GRIK3: variants seen among roughly 807,000 people sequenced by gnomAD.
The protein encoded by GRIK3 is glutamate ionotropic receptor kainate type subunit 3, also known as glutamate receptor ionotropic, kainate 3.
GRIK3 carries 29 observed loss-of-function variants against 102.5 expected under a neutral mutation model. The observed-to-expected ratio is 0.28, with a 90% CI of 0.21 to 0.39. GRIK3 has a LOEUF of 0.39. Among genes scored for constraint, GRIK3 ranks in the 10% least tolerant of loss-of-function variants. The pLI is 1.00. For synonymous variants in GRIK3, 511 were observed against 504.9 expected, an observed-to-expected ratio of 1.01 and a Z score of -0.16; for missense variants, 908 against 1,252.4, an observed-to-expected ratio of 0.73 and a Z score of 4.15.
At chr1:36,865,081 T>C (rs1257811307) in intron 5 of GRIK3, among the ~76,000 whole-genome samples, 1 of 152,194 alleles carries the variant, frequency 6.6e-6, no homozygotes, top group Non-Finnish European at 1.5e-5. Context: ...AACATCGCCT[T>C]AAGGAATGAC....
At chr1:36,930,632 G>T (rs1641577059) in intron 1 of GRIK3, among the ~76,000 whole-genome samples, 1 of 152,172 alleles carries the variant, frequency 6.6e-6, no homozygotes, top group Non-Finnish European at 1.5e-5. Context: ...CCTACCCAAA[G>T]CCTTGAACTG....
At chr1:36,998,876 C>T (rs1220655737) in intron 1 of GRIK3, among the ~76,000 whole-genome samples, 1 of 152,166 alleles carries the variant, frequency 6.6e-6, no homozygotes, top group African/African-American at 2.4e-5. Flanking sequence ...CAAGGGGCTT[C>T]TGAGGCTCCT....
intron 10 of GRIK3, among the ~76,000 whole-genome samples, chr1:36,837,441 G>C (rs490582): frequency 0.2 from 29,716 of 151,680 alleles, 3,461 homozygotes; most frequent in African/African-American, 0.33. Context: ...CAACCAATCG[G>C]GAGCCTCATC....
intron 1 of GRIK3, among the ~76,000 whole-genome samples, chr1:36,960,468 G>A (rs1309253845): frequency 6.6e-6 from 1 of 152,230 alleles, no homozygotes; most frequent in African/African-American, 2.4e-5. Flanking sequence ...GGAAGTTAGA[G>A]GCCAGTGGGG....
chr1:36,841,646 C>T, intron 10 of GRIK3, 90 bp downstream of exon 10: 1 of 1,138,334 alleles, frequency 8.8e-7, no homozygotes, highest in Non-Finnish European at 1.3e-6. Context: ...GGGCCTTTTT[C>T]TGCCAGGCTG....
At chr1:36,809,724 T>C (rs1642540805) in intron 13 of GRIK3, among the ~76,000 whole-genome samples, 1 of 152,092 alleles carries the variant, frequency 6.6e-6, no homozygotes, top group South Asian at 2.1e-4. Context: ...GAAATTTCAG[T>C]TGGGGGCTGA....
At chr1:36,982,913 G>A (rs1268376380) in intron 1 of GRIK3, among the ~76,000 whole-genome samples, 1 of 152,160 alleles carries the variant, frequency 6.6e-6, no homozygotes, top group Non-Finnish European at 1.5e-5. Flanking sequence ...TCAGAGGGCC[G>A]CTGACAGCTC....
chr1:36,934,246 C>G (rs1249482104), intron 1 of GRIK3, among the ~76,000 whole-genome samples: 1 of 152,166 alleles, frequency 6.6e-6, no homozygotes, highest in African/African-American at 2.4e-5. Flanking sequence ...TCCTGGGCCT[C>G]CCTCCCTCTG....
Position 36,880,063 on chromosome 1 carries a change from A to C in GRIK3, c.550+571T>G, listed in dbSNP as rs551244928. ...AGAACCAACCTTCAGCGCTCACTGCATGTCAGTGCTTGTCACTGTCATCTT... is the reference window on the plus strand; with the variant it reads ...AGAACCAACCTTCAGCGCTCACTGCCTGTCAGTGCTTGTCACTGTCATCTT... On this transcript the variant is annotated intron_variant, in intron 3 of 15. Transcript: ENST00000373091. The surrounding 1 kb of genome is among the most constrained non-coding windows in gnomAD (Gnocchi z 5.4). Among the ~76,000 whole-genome samples, 137 of 152,256 alleles carry C rather than the reference A, an allele frequency of 9.0e-4. 2 individuals carry two copies. Among genetic ancestry groups the C allele is most frequent in the African/African-American group, 3.3e-3 (137 of 41,536 alleles).
At chr1:36,902,970 A>C (rs1163921059) in intron 1 of GRIK3, among the ~76,000 whole-genome samples, 1 of 152,078 alleles carries the variant, frequency 6.6e-6, no homozygotes, top group Non-Finnish European at 1.5e-5. Flanking sequence ...TTGTATTTTT[A>C]GTAGAGACAG....
chr1:37,021,748 G>T lies in GRIK3; in HGVS notation c.115+12246C>A, dbSNP rs1486146358. 3.9e-5 allele frequency among the ~76,000 whole-genome samples: 6 copies of T among 152,174 alleles called. No individual in the cohort carries two copies. The East Asian group carries it at 9.6e-4, about 24-fold the overall frequency. On this transcript the variant is annotated intron_variant, in intron 1 of 15. Transcript: ENST00000373091. ...GGGCCTGGCCTCAGGGGAGAGCTCAGTTCTGTTGTGTTCAGGAGGGGAAGC... is the reference window on the plus strand; with the variant it reads ...GGGCCTGGCCTCAGGGGAGAGCTCATTTCTGTTGTGTTCAGGAGGGGAAGC...
At chr1:36,869,000 C>A (rs1179368586) in intron 5 of GRIK3, among the ~76,000 whole-genome samples, 1 of 152,216 alleles carries the variant, frequency 6.6e-6, no homozygotes, top group Non-Finnish European at 1.5e-5. Flanking sequence ...GGCTGTCACT[C>A]ACCTCAGACC....
At chr1:36,808,802 A>T (rs1372205146) in intron 13 of GRIK3, among the ~76,000 whole-genome samples, 3 of 152,206 alleles carry the variant, frequency 2.0e-5, no homozygotes, top group African/African-American at 2.4e-5. Flanking sequence ...AGCAATAGAT[A>T]ACTTATACAC....
At chr1:37,019,994 A>G (rs1642693150) in intron 1 of GRIK3, among the ~76,000 whole-genome samples, 2 of 152,112 alleles carry the variant, frequency 1.3e-5, no homozygotes, top group Non-Finnish European at 2.9e-5. Flanking sequence ...CCTAAACCTC[A>G]TTTCTTGTTC....
intron 1 of GRIK3, among the ~76,000 whole-genome samples, chr1:36,940,259 G>A (rs1413303005): frequency 2.0e-5 from 3 of 152,204 alleles, no homozygotes; most frequent in Admixed American, 6.5e-5. Context: ...CTCCACCTCC[G>A]TCCTGTGGCC....
chr1:37,034,061 C>T lies in GRIK3; in HGVS notation c.48G>A (p.Trp16Ter). ...AGAAGGCGCACACGAGGAGCCCGGCCCAGTATTCCCAAACCAGACTCCGGA... is the reference window on the plus strand; with the variant it reads ...AGAAGGCGCACACGAGGAGCCCGGCTCAGTATTCCCAAACCAGACTCCGGA... ...RRLRSLVWEY[W>*]AGLLVCAFWI... is the part of the protein sequence containing the mutation. The change falls in exon 1 of 16, where the codon TGG becomes TGA. Residue 16 changes from tryptophan (W) to a stop codon, truncating the protein, a stop_gained. Coordinates refer to ENST00000373091, the MANE Select transcript of GRIK3 (RefSeq NM_000831.4). LOFTEE classifies it high-confidence loss of function. The T allele has an allele frequency of 1.2e-6, 2 of 1,605,460 alleles. No individual in the cohort carries two copies. The highest frequency in any genetic ancestry group is 1.7e-6 in the Non-Finnish European group (2 of 1,176,852).
At chr1:36,962,198 G>A (rs1326281649) in intron 1 of GRIK3, among the ~76,000 whole-genome samples, 3 of 152,120 alleles carry the variant, frequency 2.0e-5, no homozygotes, top group South Asian at 2.1e-4. Context: ...GAACAGGTTC[G>A]CATGTATCAG....
chr1:36,854,994 A>T (rs1053589442), intron 7 of GRIK3, among the ~76,000 whole-genome samples: 1 of 152,192 alleles, frequency 6.6e-6, no homozygotes, highest in Non-Finnish European at 1.5e-5. Context: ...CCAGGAACTT[A>T]GGACGGCAGC....
intron 10 of GRIK3, 66 bp downstream of exon 10, chr1:36,841,669 GT>G: frequency 7.4e-7 from 1 of 1,348,700 alleles, no homozygotes; most frequent in Non-Finnish European, 1.1e-6. Flanking sequence ...CAGCCCTGTG[GT>G]GCAGACAGTT....
Sources: allele counts gnomAD v4.1 joint callset (sites outside exome capture counted in the v4.1 genomes callset), GRCh38; gene constraint gnomAD v4.1.1; non-coding constraint Gnocchi (gnomAD v3.1); transcripts MANE v1.5; gene names NCBI Gene and HGNC (gene_info 2026-07-23, HGNC 2026-07-21).